STAG3: variants seen among roughly 807,000 people sequenced by gnomAD.
The protein encoded by STAG3 is cohesin subunit SA-3.
Under a neutral mutation model 160.7 loss-of-function variants are expected in STAG3, and 101 were observed. That is an observed-to-expected ratio of 0.63 (90% CI 0.54 to 0.74). STAG3 has a LOEUF of 0.74. Ranked by LOEUF, STAG3 falls within the 30% of genes least tolerant of loss-of-function variation. STAG3 has a pLI of 0.00. For synonymous variants in STAG3, 519 were observed against 585.0 expected (o/e 0.89, Z 1.63); for missense variants, 1,188 against 1,517.4 (o/e 0.78, Z 3.61).
At chr7:100,219,181 C>A (rs1803032149), downstream of STAG3, 1 of 152,780 alleles carries the variant, frequency 6.5e-6, no homozygotes, top group African/African-American at 2.4e-5. Context: ...GAGGTCACAT[C>A]CAAACTTAGC....
intron 29 of STAG3, among the ~76,000 whole-genome samples, chr7:100,210,452 T>C (rs984851631): frequency 6.6e-6 from 1 of 152,218 alleles, no homozygotes; most frequent in African/African-American, 2.4e-5. Context: ...TCCCCCTTCA[T>C]ATCATATCAG....
At chr7:100,194,390 A>G (rs1292567838) in intron 8 of STAG3, among the ~76,000 whole-genome samples, 5 of 152,218 alleles carry the variant, frequency 3.3e-5, no homozygotes, top group African/African-American at 1.2e-4. Flanking sequence ...GAGGAGAGAG[A>G]GAGAGACAGA....
chr7:100,192,821 G>A (rs1053258895), intron 8 of STAG3, among the ~76,000 whole-genome samples: 2 of 152,312 alleles, frequency 1.3e-5, no homozygotes, highest in African/African-American at 4.8e-5. Context: ...GAACTCCTGG[G>A]CTTAATCAGT....
chr7:100,210,521 A>G (rs1377596112), intron 29 of STAG3, among the ~76,000 whole-genome samples: 1 of 151,814 alleles, frequency 6.6e-6, no homozygotes, highest in African/African-American at 2.4e-5. Context: ...CCTGTCTCCC[A>G]TTTTCCGGTT....
intron 1 of STAG3, among the ~76,000 whole-genome samples, chr7:100,178,302 C>T (rs2117013982): frequency 6.6e-6 from 1 of 152,286 alleles, no homozygotes; most frequent in East Asian, 1.9e-4. Flanking sequence ...CGCGCACCTG[C>T]CTTTCCTCCT....
At chr7:100,192,999 T>G (rs1034901803) in intron 8 of STAG3, among the ~76,000 whole-genome samples, 3 of 152,262 alleles carry the variant, frequency 2.0e-5, no homozygotes, top group African/African-American at 7.2e-5. Flanking sequence ...TTGAAATTAC[T>G]CCTTGTTTCA....
rs771445470 is a variant in STAG3 at position 100,189,540 on chromosome 7, G to A, written c.811G>A (p.Gly271Arg). Reference protein sequence around the residue: ...QRQYEAERNKGPGQRAPERLE... With the variant: ...QRQYEAERNKRPGQRAPERLE... ...TCAGTATGAGGCTGAAAGAAACAAG[G>A]GGCCAGGGCAGAGGGCACCTGAGCG... The change falls in exon 8 of 34, where the codon GGG becomes AGG. Residue 271 changes from glycine to arginine, a missense_variant. Gly to Arg is a moderately radical substitution (Grantham distance 125). Transcript: ENST00000615138. The A allele has an allele frequency of 2.5e-6, 4 of 1,614,142 alleles. No homozygotes were observed. The Admixed American group carries it at 5.0e-5, about 20-fold the overall frequency.
At chr7:100,197,429 A>G in intron 10 of STAG3, 150 bp downstream of exon 10, 1 of 1,087,790 alleles carries the variant, frequency 9.2e-7, no homozygotes, top group Non-Finnish European at 1.4e-6. Context: ...TTCCCCTAGC[A>G]CTGGGGAGAG....
At chr7:100,193,803 C>A (rs1800491142) in intron 8 of STAG3, among the ~76,000 whole-genome samples, 1 of 152,138 alleles carries the variant, frequency 6.6e-6, no homozygotes, top group Non-Finnish European at 1.5e-5. Flanking sequence ...ACTTTCTTAC[C>A]CTTTGTGTGT....
At chr7:100,213,161 C>T in intron 32 of STAG3, 1 of 277,584 alleles carries the variant, frequency 3.6e-6, no homozygotes, top group Non-Finnish European at 5.6e-6. Context: ...AGCTAGCCCT[C>T]TGGCCTGGGC....
chr7:100,200,577 C>A (rs1801039045), intron 18 of STAG3, 35 bp downstream of exon 18: 1 of 1,600,816 alleles, frequency 6.2e-7, no homozygotes, highest in African/African-American at 1.3e-5. Flanking sequence ...TTGCTGCTTG[C>A]CTGCCAGGGC....
At position 100,204,618 on chromosome 7, in the gene STAG3, T is replaced by G. The variant is rs757518976; in HGVS notation, c.2803-9T>G. 1 of 1,613,354 alleles carries G rather than the reference T, an allele frequency of 6.2e-7. No homozygotes were observed. The highest frequency in any genetic ancestry group is 8.5e-7 in the Non-Finnish European group (1 of 1,179,560). Reference sequence around the variant, plus strand: ...CCTTTCCCACATGCACCATGTCTCCTGGACACAGCTGTACACAGAACTGCT... The same window carrying G: ...CCTTTCCCACATGCACCATGTCTCCGGGACACAGCTGTACACAGAACTGCT... On this transcript the variant is annotated splice_polypyrimidine_tract_variant and intron_variant, in intron 26 of 33. Coordinates refer to ENST00000615138, the MANE Select transcript of STAG3 (RefSeq NM_001282717.2).
At chr7:100,185,477 C>G (rs1204624589) in intron 4 of STAG3, among the ~76,000 whole-genome samples, 1 of 151,816 alleles carries the variant, frequency 6.6e-6, no homozygotes, top group Non-Finnish European at 1.5e-5. Flanking sequence ...TGGCGCACAC[C>G]TGTAATCCCA....
intron 32 of STAG3, chr7:100,213,500 C>A (rs946443065): frequency 9.1e-6 from 9 of 985,334 alleles, no homozygotes; most frequent in East Asian, 1.1e-4. Context: ...AGAAAAAATC[C>A]GTTTTCTGGT....
At position 100,182,659 on chromosome 7, in the gene STAG3, C is replaced by T. The variant is rs4729579; in HGVS notation, c.220-64C>T. On this transcript the variant is annotated intron_variant, in intron 3 of 33. Transcript: ENST00000615138. The stretch of plus-strand genomic sequence containing the variant: ...CTTGTGTGATAATGATGAAACCAAG[C>T]GTTAATGTCACTGTTACCTTTTTTG... 1.4e-3 allele frequency: 2,246 copies of T among 1,564,640 alleles called. 1 individual carries two copies. Among genetic ancestry groups the T allele is most frequent in the Non-Finnish European group, 1.8e-3 (2,062 of 1,138,720 alleles).
intron 8 of STAG3, among the ~76,000 whole-genome samples, chr7:100,190,742 T>C (rs1048503004): frequency 1.3e-5 from 2 of 152,208 alleles, no homozygotes; most frequent in African/African-American, 4.8e-5. Flanking sequence ...TAGGATAGTA[T>C]TTCCTTACTT....
At chr7:100,197,930 C>T (rs1800795574) in intron 11 of STAG3, 54 bp downstream of exon 11, 1 of 1,553,282 alleles carries the variant, frequency 6.4e-7, no homozygotes, top group Admixed American at 1.7e-5. Context: ...CCTATTTCCC[C>T]ACCTTGTATC....
rs1205575445 is a variant in STAG3, at chr7:100,201,265, A to G, written c.2134A>G (p.Thr712Ala). 1 of 1,613,534 alleles carries G rather than the reference A, an allele frequency of 6.2e-7. No individual in the cohort carries two copies. The highest frequency in any genetic ancestry group is 8.5e-7 in the Non-Finnish European group (1 of 1,179,948). ...AACATTCCCCTTTCTCCCCCAAAGC[A>G]CTCATGACCTGACTCGCTGGGAGCT... is the stretch of plus-strand genomic sequence containing the variant. ...TLKRLSAFYNTHDLTRWELYE... is the reference protein window; with the variant it reads ...TLKRLSAFYNAHDLTRWELYE... Residue 712 changes from threonine (T) to alanine (A), a missense_variant and splice_region_variant, in exon 21 of 34, where the codon ACT (threonine) becomes GCT (alanine). By Grantham distance (58) the Thr-to-Ala change is moderately conservative (BLOSUM62 0). Around this residue, in one of 4 missense-constraint regions of STAG3, gnomAD observed 647 missense variants for 717.2 expected, o/e 0.90. Coordinates refer to ENST00000615138, the MANE Select transcript of STAG3 (RefSeq NM_001282717.2).
intron 2 of STAG3, chr7:100,181,231 TATA>T (rs1376607166): frequency 6.6e-6 from 1 of 152,266 alleles, no homozygotes; most frequent in Non-Finnish European, 1.5e-5. Flanking sequence ...CTGTGTAGGT[TATA>T]ATAATATATC....
Sources: allele counts gnomAD v4.1 joint callset (sites outside exome capture counted in the v4.1 genomes callset), GRCh38; gene constraint gnomAD v4.1.1; regional missense constraint gnomAD v4.1.1; transcripts MANE v1.5; gene names NCBI Gene and HGNC (gene_info 2026-07-23, HGNC 2026-07-21).